MED15: variants seen among roughly 807,000 people sequenced by gnomAD.
MED15 encodes mediator of RNA polymerase II transcription subunit 15.
A neutral mutation model predicts 118.7 loss-of-function variants in MED15; 41 were observed. That is an observed-to-expected ratio of 0.35 (90% CI 0.27 to 0.45). The LOEUF (loss-of-function observed/expected upper bound fraction) is 0.45, where lower values mean the gene tolerates loss of function less well. Among genes scored for constraint, MED15 ranks in the 20% least tolerant of loss-of-function variants. The pLI, the probability that MED15 is intolerant of heterozygous loss-of-function variation, is 1.00. For synonymous variants in MED15, 436 were observed against 413.9 expected, an observed-to-expected ratio of 1.05 and a Z score of -0.65; for missense variants, 740 against 1,025.5, an observed-to-expected ratio of 0.72 and a Z score of 3.80.
At position 20,587,562 on chromosome 22, in the gene MED15, C is replaced by G. The variant is rs2057171434; in HGVS notation, c.*858C>G. 1 of 392,434 alleles carries G rather than the reference C, an allele frequency of 2.5e-6. No individual in the cohort carries two copies. Among genetic ancestry groups the G allele is most frequent in the Non-Finnish European group, 4.4e-6 (1 of 229,536 alleles). 24.3% of individuals were successfully genotyped at this position (392,434 alleles called of 1,614,324 possible). A position where few individuals can be genotyped will look rare whatever the true frequency, so the allele number is the denominator to read the frequency against. ...ACCCTCTGGTGAGAAGAGGTCCCCC[C>G]TTTTTATGTGCACTACCCCACCATC... On this transcript the variant is annotated 3_prime_UTR_variant, in exon 18 of 18. Coordinates refer to ENST00000263205, the MANE Select transcript of MED15 (RefSeq NM_001003891.3).
chr22:20,560,382 A>C (rs2056186123), intron 5 of MED15, among the ~76,000 whole-genome samples: 1 of 152,068 alleles, frequency 6.6e-6, no homozygotes, highest in South Asian at 2.1e-4. Context: ...CTCCTGCCTC[A>C]GCCTCCCAAG....
chr22:20,519,437 G>A (rs1178781099), intron 1 of MED15, among the ~76,000 whole-genome samples: 1 of 140,110 alleles, frequency 7.1e-6, no homozygotes, highest in African/African-American at 2.6e-5. Flanking sequence ...TTTTGAGGGT[G>A]TTTTTTTTTT....
intron 2 of MED15, among the ~76,000 whole-genome samples, chr22:20,548,371 G>A (rs915891852): frequency 1.3e-5 from 2 of 152,096 alleles, no homozygotes; most frequent in African/African-American, 4.8e-5. Context: ...CACCATGTTG[G>A]CCAGGCTGGT....
chr22:20,584,971 C>A lies in MED15; in HGVS notation c.1920C>A (p.Arg640=). The change falls in exon 15 of 18, where the codon CGC becomes CGA. Residue 640 remains arginine (R), a synonymous_variant. Transcript: ENST00000263205. ...RSPVFNHSLY[R]TFVPAMTAIH... ...CTGTCTTCAACCATTCCCTGTACCGCACATTCGTTCCAGCCATGACCGCCA... is the reference window on the plus strand; with the variant it reads ...CTGTCTTCAACCATTCCCTGTACCGAACATTCGTTCCAGCCATGACCGCCA... 1 of 1,614,068 alleles carries A rather than the reference C, an allele frequency of 6.2e-7. No homozygotes were observed. The highest frequency in any genetic ancestry group is 8.5e-7 in the Non-Finnish European group (1 of 1,180,036).
At chr22:20,521,589 G>A (rs1448307622) in intron 1 of MED15, among the ~76,000 whole-genome samples, 1 of 145,784 alleles carries the variant, frequency 6.9e-6, no homozygotes, top group African/African-American at 2.6e-5. Flanking sequence ...GTAGAGATGG[G>A]GTTTCACCAT....
chr22:20,582,430 C>T (rs998957200), intron 9 of MED15, 181 bp from the exon 10 acceptor site: 1 of 1,013,888 alleles, frequency 9.9e-7, no homozygotes, highest in East Asian at 2.7e-5. Flanking sequence ...TTGGTCACCT[C>T]ATGCTGTGTG....
chr22:20,585,934 C>T, intron 17 of MED15, 108 bp downstream of exon 17: 3 of 1,036,028 alleles, frequency 2.9e-6, no homozygotes, highest in South Asian at 2.8e-5. Context: ...TCCTGCCCCT[C>T]CCCAGCTCAG....
At chr22:20,550,967 T>TG (rs2055747023) in intron 2 of MED15, 2 of 360,194 alleles carry the variant, frequency 5.6e-6, no homozygotes, top group Admixed American at 7.3e-5. Flanking sequence ...CAGCAGATAC[T>TG]GCGTCATCAG....
intron 2 of MED15, among the ~76,000 whole-genome samples, chr22:20,541,650 AT>A (rs35805990): frequency 0.65 from 81,257 of 125,338 alleles, 25,795 homozygotes; most frequent in Admixed American, 0.74. Context: ...CACCCAGCTA[AT>A]TTTTTTTTTT....
At chr22:20,542,024 C>G (rs2055334101) in intron 2 of MED15, among the ~76,000 whole-genome samples, 1 of 152,002 alleles carries the variant, frequency 6.6e-6, no homozygotes, top group African/African-American at 2.4e-5. Flanking sequence ...GAACTCCTGA[C>G]CTCAGGTGGT....
At chr22:20,532,903 T>C (rs1027304345) in intron 1 of MED15, among the ~76,000 whole-genome samples, 1 of 152,168 alleles carries the variant, frequency 6.6e-6, no homozygotes, top group Non-Finnish European at 1.5e-5. Context: ...CTGTGACATG[T>C]GGGTTCTCTG....
At chr22:20,527,568 A>C (rs997320801) in intron 1 of MED15, among the ~76,000 whole-genome samples, 29 of 151,952 alleles carry the variant, frequency 1.9e-4, no homozygotes, top group Non-Finnish European at 2.9e-5. Context: ...CAGCCTCCCA[A>C]GTAGCTGGGA....
At chr22:20,568,166 T>C (rs2056511009) in intron 7 of MED15, among the ~76,000 whole-genome samples, 1 of 152,202 alleles carries the variant, frequency 6.6e-6, no homozygotes. Flanking sequence ...AACCCAGCTT[T>C]CCTTCAAGGA....
chr22:20,521,195 C>T (rs1284464421), intron 1 of MED15, among the ~76,000 whole-genome samples: 1 of 141,780 alleles, frequency 7.1e-6, no homozygotes, highest in Admixed American at 7.5e-5. Context: ...CTCCTAGGTT[C>T]CGGCAGTTCT....
chr22:20,536,155 C>T (rs2146441949), intron 1 of MED15, among the ~76,000 whole-genome samples: 1 of 152,254 alleles, frequency 6.6e-6, no homozygotes, highest in South Asian at 2.1e-4. Context: ...GGATTACAGG[C>T]GTGTGGCACT....
At position 20,585,273 on chromosome 22, in the gene MED15, T is replaced by C. The variant is rs2057100630; in HGVS notation, c.2131+6T>C. 5.6e-6 allele frequency: 9 copies of C among 1,612,072 alleles called. No individual in the cohort carries two copies. The Middle Eastern group carries it at 8.3e-4, about 148-fold the overall frequency. ...CCACCTGATCTGCAAGCTGGGTGAG[T>C]GTCCAGAGGGCCGGGACTGGTGTGG... On this transcript the variant is annotated splice_donor_region_variant and intron_variant, in intron 16 of 17. Coordinates refer to ENST00000263205, the MANE Select transcript of MED15 (RefSeq NM_001003891.3).
At chr22:20,570,761 T>C (rs1237405788) in intron 8 of MED15, among the ~76,000 whole-genome samples, 6 of 118,866 alleles carry the variant, frequency 5.0e-5, no homozygotes, top group South Asian at 5.9e-4. Context: ...TTTTTTTTTT[T>C]TTTTTTTTTT....
Position 20,566,526 on chromosome 22 carries a change from A to ACAGCAGCAGCAGCAGCAG in MED15, c.769_786dup (p.Gln257_Gln262dup). 1.6e-5 allele frequency: 26 copies of ACAGCAGCAGCAGCAGCAG among 1,601,680 alleles called. No individual in the cohort carries two copies. In the East Asian group the frequency reaches 2.2e-4, roughly 14 times the overall value. On this transcript the variant is annotated inframe_insertion, in exon 7 of 18. Coordinates refer to ENST00000263205, the MANE Select transcript of MED15 (RefSeq NM_001003891.3). The stretch of plus-strand genomic sequence containing the variant: ...CACAGCTGCAGCTCCAACAACAGCA[A>ACAGCAGCAGCAGCAGCAG]CAGCAGCAGCAGCAGCAGCAGCAGC...
In MED15 at chr22:20,564,529, ACAGCAG is replaced by A. The variant is rs747865184; in HGVS notation, c.549_554del (p.Gln187_Gln188del). 55 of 1,592,732 alleles carry A rather than the reference ACAGCAG, an allele frequency of 3.5e-5. No homozygotes were observed. Among genetic ancestry groups the A allele is most frequent in the Middle Eastern group, 1.7e-4 (1 of 5,898 alleles). Reference sequence around the variant, plus strand: ...TCCAGCAGCAGCAGCAGGCGGCGCTACAGCAGCAGCAGCAGCAGCAGCAACAGCAGC... The same window carrying A: ...TCCAGCAGCAGCAGCAGGCGGCGCTACAGCAGCAGCAGCAGCAACAGCAGC... On this transcript the variant is annotated inframe_deletion, in exon 6 of 18. Coordinates refer to ENST00000263205, the MANE Select transcript of MED15 (RefSeq NM_001003891.3).
Sources: gnomAD v4.1 joint callset for allele counts (sites outside exome capture counted in the v4.1 genomes callset) on GRCh38, gnomAD v4.1.1 for gene constraint, MANE v1.5 for transcripts, NCBI Gene and HGNC (gene_info 2026-07-23, HGNC 2026-07-21) for gene names.